Variants in UQCRC2 observed in about 807,000 individuals in gnomAD.
UQCRC2 encodes the protein ubiquinol-cytochrome c reductase core protein 2.
Under a neutral mutation model 55.6 loss-of-function variants are expected in UQCRC2, and 49 were observed. The observed-to-expected ratio is 0.88, with a 90% CI of 0.70 to 1.12. The LOEUF is 1.12. Ranked by LOEUF, UQCRC2 falls within the 50% of genes most tolerant of loss-of-function variation. The pLI is 0.00. For synonymous variants in UQCRC2, 193 were observed against 192.0 expected (o/e 1.01, Z -0.04); for missense variants, 506 against 547.8 (o/e 0.92, Z 0.76).
intron 4 of UQCRC2, among the ~76,000 whole-genome samples, chr16:21,959,950 A>G (rs900687838): frequency 6.6e-6 from 1 of 152,202 alleles, no homozygotes; most frequent in African/African-American, 2.4e-5. Context: ...CAGATGTACT[A>G]TCATCCAGGC....
In UQCRC2 at chr16:21,979,947, TA is replaced by T. The variant is rs1237663342; in HGVS notation, c.1125-598del. On this transcript the variant is annotated intron_variant, in intron 12 of 13. Coordinates refer to ENST00000268379, the MANE Select transcript of UQCRC2 (RefSeq NM_003366.4). ...GGCTAGTGATATGCAGTACATGAGA[TA>T]ATCAATGCTTCCTTACAAAATGGGC... 1.1e-4 allele frequency among the ~76,000 whole-genome samples: 17 copies of T among 152,316 alleles called. 1 individual carries two copies. The highest frequency in any genetic ancestry group is 8.3e-4 in the South Asian group (4 of 4,826).
At chr16:21,965,791 A>G (rs888974511) in intron 7 of UQCRC2, among the ~76,000 whole-genome samples, 3 of 152,256 alleles carry the variant, frequency 2.0e-5, no homozygotes, top group Non-Finnish European at 4.4e-5. Flanking sequence ...ACCTAAAGGC[A>G]CTCAGTGTTA....
chr16:21,961,645 TATATATATATATATATA>T (rs1898204470), intron 4 of UQCRC2, among the ~76,000 whole-genome samples: 1 of 95,248 alleles, frequency 1.0e-5, no homozygotes, highest in Non-Finnish European at 2.0e-5. Flanking sequence ...TATATATATA[TATATATATATATATATA>T]TATATATTTT....
chr16:21,980,231 T>G, intron 12 of UQCRC2: 1 of 264,612 alleles, frequency 3.8e-6, no homozygotes, highest in Non-Finnish European at 7.4e-6. Flanking sequence ...TCCAGAGGCC[T>G]TGGGAAGCAT....
intron 10 of UQCRC2, among the ~76,000 whole-genome samples, chr16:21,973,330 C>T (rs1211707765): frequency 6.6e-6 from 1 of 152,070 alleles, no homozygotes; most frequent in Non-Finnish European, 1.5e-5. Flanking sequence ...TGTAAATGGT[C>T]CACATAAACA....
chr16:21,983,515 A>G lies in UQCRC2; in HGVS notation c.*344A>G. 1 of 320,034 alleles carries G rather than the reference A, an allele frequency of 3.1e-6. No individual in the cohort carries two copies. Among genetic ancestry groups the G allele is most frequent in the East Asian group, 4.8e-5 (1 of 20,676 alleles). The allele number at this position is 320,034 out of a possible 1,614,324, so 19.8% of individuals were successfully genotyped here. On this transcript the variant is annotated 3_prime_UTR_variant, in exon 14 of 14. Transcript: ENST00000268379. ...TGGCTATCGGGGTAAATAGTGCCAG[A>G]TTACTATTGGTGGCGTTTAAGATGA...
chr16:21,955,817 C>G (rs1898077117), intron 1 of UQCRC2, among the ~76,000 whole-genome samples: 1 of 150,698 alleles, frequency 6.6e-6, no homozygotes, highest in Non-Finnish European at 1.5e-5. Flanking sequence ...TTGGTATATA[C>G]TTTGTCTTTT....
chr16:21,979,317 T>A (rs891956436), intron 12 of UQCRC2, among the ~76,000 whole-genome samples: 12 of 152,184 alleles, frequency 7.9e-5, no homozygotes, highest in African/African-American at 2.9e-4. Context: ...AACTTGACTA[T>A]GGAGGAAAAC....
chr16:21,968,263 G>C (rs1597959850), intron 7 of UQCRC2, among the ~76,000 whole-genome samples: 1 of 152,030 alleles, frequency 6.6e-6, no homozygotes, highest in African/African-American at 2.4e-5. Context: ...TGGCCTCCCA[G>C]AGTGCTGGGA....
intron 8 of UQCRC2, 21 bp from the exon 9 acceptor site, chr16:21,971,504 T>C: frequency 6.3e-7 from 1 of 1,583,128 alleles, no homozygotes; most frequent in Non-Finnish European, 8.6e-7. Flanking sequence ...TCTAGCTTTG[T>C]TTTTGCTTCT....
chr16:21,982,820 C>T (rs1898764784), intron 13 of UQCRC2, among the ~76,000 whole-genome samples: 1 of 152,042 alleles, frequency 6.6e-6, no homozygotes, highest in Non-Finnish European at 1.5e-5. Flanking sequence ...CAAAAATTAG[C>T]TGGGCATAGT....
intron 13 of UQCRC2, among the ~76,000 whole-genome samples, chr16:21,982,073 C>G (rs749984242): frequency 2.0e-5 from 3 of 152,068 alleles, no homozygotes; most frequent in Admixed American, 6.5e-5. Flanking sequence ...ATCTCCTGAC[C>G]TCGTGATCCA....
In UQCRC2 at chr16:21,983,232, A is replaced by G. The variant is rs1352489422; in HGVS notation, c.*61A>G. ...TCTCTCAGCCCAGAGCAGCAAACAC[A>G]TGAAAGTCAGAAGTCTCTAATATAT... On this transcript the variant is annotated 3_prime_UTR_variant, in exon 14 of 14. Transcript: ENST00000268379. The G allele has an allele frequency of 4.1e-6, 6 of 1,480,142 alleles. No homozygotes were observed. The highest frequency in any genetic ancestry group is 1.2e-5 in the South Asian group (1 of 82,888). The allele number at this position is 1,480,142 out of a possible 1,614,324, so 91.7% of individuals were successfully genotyped here. A position where few individuals can be genotyped will look rare whatever the true frequency, so the allele number is the denominator to read the frequency against.
chr16:21,961,208 C>T, intron 4 of UQCRC2: 1 of 287,426 alleles, frequency 3.5e-6, no homozygotes, highest in South Asian at 2.9e-5. Flanking sequence ...TAAATTGATA[C>T]AACCACTTAG....
At chr16:21,963,495 G>T (rs147639389) in intron 6 of UQCRC2, among the ~76,000 whole-genome samples, 32 of 151,668 alleles carry the variant, frequency 2.1e-4, no homozygotes, top group African/African-American at 7.5e-4. Flanking sequence ...TTTGAGACAG[G>T]GTGTTGCTTG....
intron 8 of UQCRC2, among the ~76,000 whole-genome samples, chr16:21,970,298 TGG>T (rs1898428945): frequency 6.6e-6 from 1 of 152,242 alleles, no homozygotes; most frequent in Non-Finnish European, 1.5e-5. Context: ...TTAGTTCTTT[TGG>T]TTATGTCTAA....
chr16:21,965,883 T>C (rs559333924), intron 7 of UQCRC2, among the ~76,000 whole-genome samples: 101 of 152,312 alleles, frequency 6.6e-4, no homozygotes, highest in Non-Finnish European at 1.4e-3. Context: ...GGGGTCTTGC[T>C]GTGTTGCCTA....
At chr16:21,982,973 A>AG in intron 13 of UQCRC2, 115 bp from the exon 14 acceptor site, 1 of 1,001,012 alleles carries the variant, frequency 1.0e-6, no homozygotes, top group East Asian at 2.6e-5. Context: ...CAAAAAAAAA[A>AG]AAAAAAAAAA....
In UQCRC2 at chr16:21,957,397, CTACTT is replaced by C. The variant is rs1225573236; in HGVS notation, c.118-17_118-13del. ...TAATACGAAGACATTCATTATATCT[CTACTT>C]TATTTTAAATACAGTTTACCAAGTT... On this transcript the variant is annotated splice_polypyrimidine_tract_variant and intron_variant, in intron 2 of 13. Transcript: ENST00000268379. 6.2e-7 allele frequency: 1 copy of C among 1,613,910 alleles called. No homozygotes were observed. Among genetic ancestry groups the C allele is most frequent in the Non-Finnish European group, 8.5e-7 (1 of 1,179,960 alleles).
Sources: allele counts gnomAD v4.1 joint callset (sites outside exome capture counted in the v4.1 genomes callset), GRCh38; gene constraint gnomAD v4.1.1; transcripts MANE v1.5; gene names NCBI Gene and HGNC (gene_info 2026-07-23, HGNC 2026-07-21).